SLC35F4: variants seen among roughly 807,000 people sequenced by gnomAD.
SLC35F4 encodes the protein chromosome 14 open reading frame 36.
SLC35F4 carries 24 observed loss-of-function variants against 44.2 expected under a neutral mutation model. The ratio of observed to expected loss-of-function variants is 0.54; its 90% confidence interval spans 0.39 to 0.76. The LOEUF is 0.76. SLC35F4 is among the 30% of genes least tolerant of loss of function. The probability of loss-of-function intolerance (pLI) is 0.00; values close to 1 mark genes in which losing one functional copy is unlikely to be tolerated. For missense variants in SLC35F4, 562 were observed against 586.1 expected, an observed-to-expected ratio of 0.96 and a Z score of 0.42; for synonymous variants, 238 against 223.6, an observed-to-expected ratio of 1.06 and a Z score of -0.57.
intron 1 of SLC35F4, among the ~76,000 whole-genome samples, chr14:57,749,059 G>C (rs1202266466): frequency 6.6e-6 from 1 of 152,180 alleles, no homozygotes; most frequent in Non-Finnish European, 1.5e-5. Flanking sequence ...GAGCTGGTAA[G>C]CAGCTGAGCT....
intron 1 of SLC35F4, among the ~76,000 whole-genome samples, chr14:57,679,544 G>C (rs549654785): frequency 6.6e-6 from 1 of 151,406 alleles, no homozygotes; most frequent in East Asian, 1.9e-4. Flanking sequence ...CTGAAGGAGA[G>C]AGCGACACAA....
At chr14:57,710,195 G>T (rs1423197618) in intron 1 of SLC35F4, among the ~76,000 whole-genome samples, 2 of 152,236 alleles carry the variant, frequency 1.3e-5, no homozygotes, top group African/African-American at 4.8e-5. Context: ...ATGGCTAAAA[G>T]GGGCCAAGGT....
At chr14:57,849,874 A>G (rs957827449) in intron 1 of SLC35F4, among the ~76,000 whole-genome samples, 5 of 152,204 alleles carry the variant, frequency 3.3e-5, no homozygotes, top group African/African-American at 1.2e-4. Context: ...CTGACTGTCA[A>G]GCAAAAGAAT....
chr14:57,626,132 T>C (rs2072464176), intron 1 of SLC35F4, among the ~76,000 whole-genome samples: 1 of 145,172 alleles, frequency 6.9e-6, no homozygotes, highest in Non-Finnish European at 1.5e-5. Flanking sequence ...TGAGAACACA[T>C]GGACACAGGG....
chr14:57,699,561 C>T (rs530721887), intron 1 of SLC35F4, among the ~76,000 whole-genome samples: 4 of 152,180 alleles, frequency 2.6e-5, no homozygotes, highest in Non-Finnish European at 4.4e-5. Context: ...CAGCATGAGG[C>T]TTTCTTCTTT....
intron 1 of SLC35F4, among the ~76,000 whole-genome samples, chr14:57,897,915 C>G (rs1293591861): frequency 6.6e-6 from 1 of 152,078 alleles, no homozygotes; most frequent in Non-Finnish European, 1.5e-5. Flanking sequence ...GGTATTTATA[C>G]CAATATGAAA....
intron 7 of SLC35F4, among the ~76,000 whole-genome samples, chr14:57,565,634 C>G (rs1194251123): frequency 1.3e-5 from 2 of 152,204 alleles, no homozygotes; most frequent in African/African-American, 2.4e-5. Flanking sequence ...TTTCTTTTCT[C>G]TGAATATCTT....
At chr14:57,870,124 CTGTGTGTGTGTGTG>C (rs34282878), upstream of SLC35F4, among the ~76,000 whole-genome samples, 2 of 146,078 alleles carry the variant, frequency 1.4e-5, no homozygotes, top group South Asian at 2.2e-4. Context: ...TGTCTATGAT[CTGTGTGTGTGTGTG>C]TGTGTGTGTG....
At chr14:57,793,997 T>C (rs1035026850) in intron 1 of SLC35F4, among the ~76,000 whole-genome samples, 10 of 152,108 alleles carry the variant, frequency 6.6e-5, no homozygotes, top group African/African-American at 2.2e-4. Flanking sequence ...GCTGGGAAAA[T>C]TGTAGAAGAA....
At chr14:57,981,161 G>A (rs1881368484) in intron 1 of SLC35F4, among the ~76,000 whole-genome samples, 1 of 152,210 alleles carries the variant, frequency 6.6e-6, no homozygotes, top group Non-Finnish European at 1.5e-5. Flanking sequence ...CAGCAAAAAT[G>A]TCGCTGGTTT....
chr14:57,974,348 C>T (rs1381870803), downstream of SLC35F4, among the ~76,000 whole-genome samples: 1 of 152,148 alleles, frequency 6.6e-6, no homozygotes, highest in Non-Finnish European at 1.5e-5. Context: ...TTTGATTCAG[C>T]TTCAGAAGTC....
At chr14:57,741,451 TTCAATAGCCAATTCGA>T (rs1279147073) in intron 1 of SLC35F4, among the ~76,000 whole-genome samples, 4 of 152,002 alleles carry the variant, frequency 2.6e-5, no homozygotes, top group Admixed American at 6.6e-5. Context: ...ATGCACAAGC[TTCAATAGCCAATTCGA>T]TCAAGTGGAA....
At chr14:57,886,680 G>C (rs1888655064) in intron 1 of SLC35F4, among the ~76,000 whole-genome samples, 1 of 151,980 alleles carries the variant, frequency 6.6e-6, no homozygotes, top group South Asian at 2.1e-4. Context: ...GTTCCCATTG[G>C]TTCTTTGTAT....
chr14:57,904,697 G>A (rs978550741), intron 1 of SLC35F4, among the ~76,000 whole-genome samples: 7 of 152,120 alleles, frequency 4.6e-5, no homozygotes, highest in African/African-American at 9.7e-5. Context: ...GCCCCGCTAG[G>A]TGGATACCGT....
chr14:57,878,257 G>A (rs1410732317), intron 1 of SLC35F4, among the ~76,000 whole-genome samples: 4 of 151,998 alleles, frequency 2.6e-5, no homozygotes, highest in Non-Finnish European at 5.9e-5. Flanking sequence ...CATTCTGTAG[G>A]CTGGTATGAC....
chr14:57,937,640 GAAAAGAA>G (rs1566505800), intron 1 of SLC35F4, among the ~76,000 whole-genome samples: 13 of 105,048 alleles, frequency 1.2e-4, no homozygotes, highest in African/African-American at 3.4e-4. Context: ...GAAAAGAAAA[GAAAAGAA>G]AAGAAAAAAG....
intron 1 of SLC35F4, among the ~76,000 whole-genome samples, chr14:57,897,935 G>A (rs1888916889): frequency 6.6e-6 from 1 of 152,120 alleles, no homozygotes; most frequent in South Asian, 2.1e-4. Context: ...AAATAATATT[G>A]ACTCTGGATG....
chr14:57,958,615 CT>C (rs1411087693), intron 1 of SLC35F4, among the ~76,000 whole-genome samples: 1 of 152,120 alleles, frequency 6.6e-6, no homozygotes, highest in Admixed American at 6.5e-5. Flanking sequence ...CCAAAAACCA[CT>C]GAGCTCTATA....
chr14:57,738,971 C>T (rs539463073), intron 1 of SLC35F4, among the ~76,000 whole-genome samples: 142 of 151,726 alleles, frequency 9.4e-4, no homozygotes, highest in Middle Eastern at 3.4e-3. Context: ...AAACAACTTT[C>T]ACTCTCTTTG....
Sources: gnomAD v4.1 joint callset for allele counts (sites outside exome capture counted in the v4.1 genomes callset) on GRCh38, gnomAD v4.1.1 for gene constraint, MANE v1.5 for transcripts, NCBI Gene and HGNC (gene_info 2026-07-23, HGNC 2026-07-21) for gene names.